RGS20: variants seen among roughly 807,000 people sequenced by gnomAD.
The protein encoded by RGS20 is regulator of G protein signaling 20, also known as gz-selective GTPase-activating protein.
RGS20 carries 30 observed loss-of-function variants against 33.6 expected under a neutral mutation model. The ratio of observed to expected loss-of-function variants is 0.89; its 90% CI spans 0.67 to 1.21. The LOEUF is 1.21. Among genes scored for constraint, RGS20 ranks in the 50% most tolerant of loss-of-function variants. The pLI, the probability that RGS20 is intolerant of heterozygous loss-of-function variation, is 0.00. For missense variants in RGS20, 472 were observed against 502.4 expected (o/e 0.94, Z 0.58); for synonymous variants, 208 against 197.9 (o/e 1.05, Z -0.43).
At chr8:53,895,375 G>A (rs1371109186) in intron 2 of RGS20, among the ~76,000 whole-genome samples, 1 of 152,146 alleles carries the variant, frequency 6.6e-6, no homozygotes, top group Non-Finnish European at 1.5e-5. Context: ...CTGGGCTAGA[G>A]GCAGAAATGT....
rs1329224806 is a variant in RGS20 at position 53,895,822 on chromosome 8, T to C, written c.510+16220T>C. 2.6e-5 allele frequency among the ~76,000 whole-genome samples: 4 copies of C among 151,966 alleles called. 1 individual carries two copies. The highest frequency in any genetic ancestry group is 9.7e-5 in the African/African-American group (4 of 41,408). ...ACCATGCCTGGCTAATTTCCTTGTA[T>C]TTTTAGTAGAAATAGGGTTTCACCA... is the stretch of plus-strand genomic sequence containing the variant. On this transcript the variant is annotated intron_variant, in intron 2 of 5. Coordinates refer to ENST00000297313, the MANE Select transcript of RGS20 (RefSeq NM_170587.4).
At chr8:53,933,481 G>A (rs564625082) in intron 2 of RGS20, among the ~76,000 whole-genome samples, 9 of 152,174 alleles carry the variant, frequency 5.9e-5, no homozygotes, top group South Asian at 2.1e-4. Context: ...ATCAATAGCC[G>A]AATTGATCAA....
intron 1 of RGS20, among the ~76,000 whole-genome samples, chr8:53,862,688 A>G (rs1811835288): frequency 6.6e-6 from 1 of 152,178 alleles, no homozygotes; most frequent in Non-Finnish European, 1.5e-5. Flanking sequence ...AGTCCTAGCT[A>G]CTCAGGAGGC....
intron 5 of RGS20, among the ~76,000 whole-genome samples, chr8:53,955,005 T>C (rs1206039171): frequency 6.6e-6 from 1 of 151,502 alleles, no homozygotes; most frequent in African/African-American, 2.4e-5. Flanking sequence ...CTTTTAACTT[T>C]TTCCAGAAAA....
Position 53,898,125 on chromosome 8 carries a change from G to A in RGS20, c.510+18523G>A, listed in dbSNP as rs143240650. 5.3e-5 allele frequency among the ~76,000 whole-genome samples: 8 copies of A among 152,324 alleles called. No homozygotes were observed. The East Asian group carries it at 1.2e-3, about 22-fold the overall frequency. On this transcript the variant is annotated intron_variant, in intron 2 of 5. Coordinates refer to ENST00000297313, the MANE Select transcript of RGS20 (RefSeq NM_170587.4). ...CGCTCGCCTTGCACCACCAGGAGCT[G>A]CTGCTCTGCCTCCCCCTGGCTATAA...
At chr8:53,929,239 T>C (rs1158219598) in intron 2 of RGS20, among the ~76,000 whole-genome samples, 1 of 152,238 alleles carries the variant, frequency 6.6e-6, no homozygotes, top group East Asian at 1.9e-4. Flanking sequence ...ATTGTGATGA[T>C]GGCTTCCCAG....
chr8:53,902,940 G>T (rs556269667), intron 2 of RGS20, among the ~76,000 whole-genome samples: 1 of 152,176 alleles, frequency 6.6e-6, no homozygotes, highest in Non-Finnish European at 1.5e-5. Flanking sequence ...TGGCCAGGCT[G>T]GGCTCGAACT....
Position 53,879,294 on chromosome 8 carries a change from G to A in RGS20, c.202G>A (p.Ala68Thr), listed in dbSNP as rs550487524. ...TGCACAGCTCCCAGACTCGCCCGCC[G>A]CCCCGAAGCTGTTCGGCCTCCTTTC... is the stretch of plus-strand genomic sequence containing the variant. Residue 68 changes from alanine to threonine, a missense_variant, in exon 2 of 6, where the codon GCC becomes ACC. Transcript: ENST00000297313. 14 of 1,613,282 alleles carry A rather than the reference G, an allele frequency of 8.7e-6. No homozygotes were observed. In the East Asian group the frequency reaches 1.6e-4, roughly 18 times the overall value.
intron 2 of RGS20, among the ~76,000 whole-genome samples, chr8:53,925,943 G>C (rs143357048): frequency 6.6e-6 from 1 of 152,038 alleles, no homozygotes; most frequent in African/African-American, 2.4e-5. Flanking sequence ...AAAGTAGGCC[G>C]GGCTCAGTGG....
At chr8:53,872,889 G>A (rs1293249176) in intron 1 of RGS20, among the ~76,000 whole-genome samples, 1 of 151,906 alleles carries the variant, frequency 6.6e-6, no homozygotes, top group African/African-American at 2.4e-5. Flanking sequence ...ACCATTTTAG[G>A]CATACAATTC....
Position 53,953,188 on chromosome 8 carries a change from T to G in RGS20, c.744-888T>G, listed in dbSNP as rs192591372. Among the ~76,000 whole-genome samples the G allele has an allele frequency of 7.2e-5, 11 of 152,284 alleles. No individual in the cohort carries two copies. The East Asian group carries it at 1.7e-3, about 24-fold the overall frequency. On this transcript the variant is annotated intron_variant, in intron 4 of 5. Transcript: ENST00000297313. ...ATATATCCATGTAACAAAAGTGCAC[T>G]TGCACCCCCTAATTATAGTTTTTAA...
chr8:53,871,066 G>A (rs1397639399), intron 1 of RGS20, among the ~76,000 whole-genome samples: 14 of 132,658 alleles, frequency 1.1e-4, no homozygotes, highest in Non-Finnish European at 2.0e-4. Context: ...AGCCAAGATC[G>A]TGCCACTGTA....
intron 2 of RGS20, among the ~76,000 whole-genome samples, chr8:53,889,829 T>G (rs1812664093): frequency 6.6e-6 from 1 of 152,116 alleles, no homozygotes; most frequent in South Asian, 2.1e-4. Context: ...TTGACTTTCC[T>G]AGTTTCTGTT....
chr8:53,879,303 C>G lies in RGS20; in HGVS notation c.211C>G (p.Leu71Val), dbSNP rs752365472. Residue 71 changes from leucine (L) to valine (V), a missense_variant, in exon 2 of 6, where the codon CTG (leucine) becomes GTG (valine). Leu to Val is a conservative substitution (Grantham distance 32, BLOSUM62 1). Transcript: ENST00000297313. ...CCCAGACTCGCCCGCCGCCCCGAAG[C>G]TGTTCGGCCTCCTTTCTAGCCCGCT... The G allele has an allele frequency of 6.2e-7, 1 of 1,613,690 alleles. No homozygotes were observed. Among genetic ancestry groups the G allele is most frequent in the East Asian group, 2.2e-5 (1 of 44,862 alleles).
chr8:53,883,392 G>T (rs1026637483), intron 2 of RGS20, among the ~76,000 whole-genome samples: 3 of 151,890 alleles, frequency 2.0e-5, no homozygotes, highest in Non-Finnish European at 4.4e-5. Flanking sequence ...TTGAACTCCC[G>T]GCCTCAGGTG....
intron 2 of RGS20, among the ~76,000 whole-genome samples, chr8:53,885,018 T>C (rs1455942146): frequency 6.6e-6 from 1 of 152,238 alleles, no homozygotes; most frequent in African/African-American, 2.4e-5. Context: ...ATTCTTAAAA[T>C]ATCCTTCCAG....
intron 2 of RGS20, among the ~76,000 whole-genome samples, chr8:53,882,185 A>G (rs1046868757): frequency 2.0e-5 from 3 of 152,018 alleles, no homozygotes; most frequent in African/African-American, 7.2e-5. Flanking sequence ...CTGCGGCCCT[A>G]CCGCTGCTAG....
chr8:53,941,188 G>A lies in RGS20; in HGVS notation c.659+1464G>A, dbSNP rs77104849. Among the ~76,000 whole-genome samples the A allele has an allele frequency of 5.9e-3, 900 of 152,242 alleles. 5 individuals are homozygous for A. The highest frequency in any genetic ancestry group is 0.014 in the African/African-American group (570 of 41,538). ...TCCTCCTACAGGTAACAAGTAGGAC[G>A]AATAAAATAAGTATCTGTACCTAAG... is the stretch of plus-strand genomic sequence containing the variant. On this transcript the variant is annotated intron_variant, in intron 3 of 5. Coordinates refer to ENST00000297313, the MANE Select transcript of RGS20 (RefSeq NM_170587.4).
intron 2 of RGS20, among the ~76,000 whole-genome samples, chr8:53,920,783 C>A (rs2129286293): frequency 6.6e-6 from 1 of 152,022 alleles, no homozygotes; most frequent in East Asian, 1.9e-4. Flanking sequence ...TTGAGACGGG[C>A]AGTCTCACTC....
Sources: gnomAD v4.1 joint callset for allele counts (sites outside exome capture counted in the v4.1 genomes callset) on GRCh38, gnomAD v4.1.1 for gene constraint, MANE v1.5 for transcripts, NCBI Gene and HGNC (gene_info 2026-07-23, HGNC 2026-07-21) for gene names.